CUX1: variants seen among roughly 807,000 people sequenced by gnomAD.
The protein encoded by CUX1 is cut like homeobox 1.
Under a neutral mutation model 158.8 loss-of-function variants are expected in CUX1, and 31 were observed. That is an observed-to-expected ratio of 0.20 (90% CI 0.15 to 0.26). CUX1 has a LOEUF of 0.26. CUX1 is among the 10% of genes least tolerant of loss of function. CUX1 has a pLI of 1.00. For missense variants in CUX1, 1,589 were observed against 2,014.6 expected, an observed-to-expected ratio of 0.79 and a Z score of 4.04; for synonymous variants, 879 against 862.1, an observed-to-expected ratio of 1.02 and a Z score of -0.34.
chr7:101,919,691 C>T (rs1306885351), intron 2 of CUX1, among the ~76,000 whole-genome samples: 4 of 152,182 alleles, frequency 2.6e-5, no homozygotes, highest in Non-Finnish European at 5.9e-5. Context: ...ATGTGTTCCA[C>T]AGGGAGGATT....
intron 2 of CUX1, among the ~76,000 whole-genome samples, chr7:102,020,983 G>A (rs1392505966): frequency 6.6e-6 from 1 of 152,090 alleles, no homozygotes; most frequent in Non-Finnish European, 1.5e-5. Context: ...TGGAACAGAA[G>A]GTGACAACAG....
At chr7:102,273,604 C>A in intron 15 of CUX1, 1 of 1,355,360 alleles carries the variant, frequency 7.4e-7, no homozygotes, top group Non-Finnish European at 1.0e-6. Flanking sequence ...TGGTGACAAC[C>A]CAGAAGGGCT....
intron 1 of CUX1, among the ~76,000 whole-genome samples, chr7:101,886,985 C>T (rs559512630): frequency 1.3e-5 from 2 of 152,332 alleles, no homozygotes; most frequent in East Asian, 3.9e-4. Flanking sequence ...CCACTCTTCG[C>T]TCCCTGCTCA....
chr7:101,997,648 T>C (rs554779617), intron 2 of CUX1, among the ~76,000 whole-genome samples: 5 of 152,180 alleles, frequency 3.3e-5, no homozygotes, highest in Admixed American at 2.6e-4. Context: ...CCAGCTAACT[T>C]TTCAATTTAT....
intron 2 of CUX1, among the ~76,000 whole-genome samples, chr7:101,976,862 T>A (rs1812748259): frequency 6.6e-6 from 1 of 151,100 alleles, no homozygotes; most frequent in African/African-American, 2.4e-5. Context: ...ATTTAGTTGA[T>A]ATTGTAACTA....
intron 8 of CUX1, among the ~76,000 whole-genome samples, chr7:102,128,315 G>A (rs1554496031): frequency 2.0e-5 from 3 of 152,156 alleles, no homozygotes; most frequent in African/African-American, 7.2e-5. Flanking sequence ...TGATATGCAC[G>A]GCTCAGAGAC....
chr7:101,994,786 G>C (rs560830445), intron 2 of CUX1, among the ~76,000 whole-genome samples: 1 of 151,922 alleles, frequency 6.6e-6, no homozygotes, highest in Non-Finnish European at 1.5e-5. Flanking sequence ...GTCATCTCAC[G>C]TGTCTAGAAG....
intron 20 of CUX1, among the ~76,000 whole-genome samples, chr7:102,216,842 T>C (rs1026923497): frequency 1.7e-5 from 2 of 120,688 alleles, no homozygotes; most frequent in Non-Finnish European, 3.5e-5. Flanking sequence ...CACACACACA[T>C]TCTCTCTCCC....
At chr7:102,178,099 A>G (rs782361014) in intron 10 of CUX1, among the ~76,000 whole-genome samples, 5 of 152,104 alleles carry the variant, frequency 3.3e-5, no homozygotes, top group Non-Finnish European at 7.4e-5. Context: ...ACGGGGTTTC[A>G]CCATGTTGGC....
intron 4 of CUX1, among the ~76,000 whole-genome samples, chr7:102,089,878 T>G (rs1483543998): frequency 6.6e-6 from 1 of 152,244 alleles, no homozygotes; most frequent in Non-Finnish European, 1.5e-5. Flanking sequence ...TTCATTGTGA[T>G]GCAATCCAGA....
chr7:101,839,135 C>T (rs188392739), intron 1 of CUX1, among the ~76,000 whole-genome samples: 38 of 152,318 alleles, frequency 2.5e-4, no homozygotes, highest in African/African-American at 8.7e-4. Flanking sequence ...CTCATCCTTA[C>T]GACCTTCCAA....
At chr7:101,827,290 CTTCTT>C (rs1292238913) in intron 1 of CUX1, among the ~76,000 whole-genome samples, 31 of 114,008 alleles carry the variant, frequency 2.7e-4, no homozygotes, top group Admixed American at 1.0e-3. Flanking sequence ...CTTCTCTTCT[CTTCTT>C]TTCTTTTCTT....
At chr7:102,021,610 T>C (rs1563141156) in intron 2 of CUX1, among the ~76,000 whole-genome samples, 1 of 95,148 alleles carries the variant, frequency 1.1e-5, no homozygotes, top group African/African-American at 4.2e-5. Context: ...ATACTTTTTT[T>C]TCTCTTTTTT....
chr7:102,001,802 C>A (rs558021623), intron 2 of CUX1, among the ~76,000 whole-genome samples: 138 of 152,358 alleles, frequency 9.1e-4, no homozygotes, highest in Middle Eastern at 6.8e-3. Context: ...CTCCTTCCTT[C>A]TGGACACATT....
At chr7:102,058,356 C>G (rs1824395641) in intron 3 of CUX1, among the ~76,000 whole-genome samples, 1 of 152,228 alleles carries the variant, frequency 6.6e-6, no homozygotes, top group Non-Finnish European at 1.5e-5. Context: ...TCACTGCAAC[C>G]TCCACCTCCA....
chr7:102,240,770 C>T (rs921478749), intron 23 of CUX1, among the ~76,000 whole-genome samples: 31 of 152,158 alleles, frequency 2.0e-4, no homozygotes, highest in African/African-American at 6.5e-4. Context: ...ATCACTTAAT[C>T]CTCACAGCTC....
chr7:101,858,562 C>T (rs1797122232), intron 1 of CUX1, among the ~76,000 whole-genome samples: 1 of 152,124 alleles, frequency 6.6e-6, no homozygotes, highest in African/African-American at 2.4e-5. Flanking sequence ...TTCTTAGCAC[C>T]CACAACAGCA....
At chr7:101,972,124 G>A (rs1321981489) in intron 2 of CUX1, among the ~76,000 whole-genome samples, 3 of 152,046 alleles carry the variant, frequency 2.0e-5, no homozygotes, top group Non-Finnish European at 4.4e-5. Context: ...CTGCCACCAC[G>A]CCCAGCTAAT....
In CUX1 at chr7:102,252,869, C is replaced by T. The variant is rs1029501599; in HGVS notation, c.*3827C>T. On this transcript the variant is annotated 3_prime_UTR_variant, in exon 24 of 24. Transcript: ENST00000292535. ...CTTAGCTCAATTGGATTCTTCTAGA[C>T]GATCTTAGGAGGCATCTTGGCATGA... 20 of 985,448 alleles carry T rather than the reference C, an allele frequency of 2.0e-5. 1 individual carries two copies. Among genetic ancestry groups the T allele is most frequent in the Middle Eastern group, 5.2e-4 (1 of 1,914 alleles). The allele number at this position is 985,448 out of a possible 1,614,324, so 61.0% of individuals were successfully genotyped here.
Sources: gnomAD v4.1 joint callset for allele counts (sites outside exome capture counted in the v4.1 genomes callset) on GRCh38, gnomAD v4.1.1 for gene constraint, MANE v1.5 for transcripts, NCBI Gene and HGNC (gene_info 2026-07-23, HGNC 2026-07-21) for gene names.